The following ZNF184 variants were observed in gnomAD, a reference collection of about 807,000 sequenced individuals.
ZNF184 encodes the protein zinc finger protein 184, also known as zinc finger protein 184 (Kruppel-like).
ZNF184 carries 16 observed loss-of-function variants against 54.4 expected under a neutral mutation model. The ratio of observed to expected loss-of-function variants is 0.29; its 90% CI spans 0.20 to 0.45. ZNF184 has a LOEUF of 0.45. Among genes scored for constraint, ZNF184 ranks in the 20% least tolerant of loss-of-function variants. The pLI is 1.00. For synonymous variants in ZNF184, 254 were observed against 295.3 expected, an observed-to-expected ratio of 0.86 and a Z score of 1.43; for missense variants, 681 against 888.2, an observed-to-expected ratio of 0.77 and a Z score of 2.97.
At chr6:27,448,670 G>T (rs1762665167), downstream of ZNF184, among the ~76,000 whole-genome samples, 1 of 152,058 alleles carries the variant, frequency 6.6e-6, no homozygotes, top group Non-Finnish European at 1.5e-5. Flanking sequence ...TAGTACCTCT[G>T]CCTGGAATGT....
At chr6:27,423,719 T>C in the ZNF184 span, among the ~76,000 whole-genome samples, 1 of 151,416 alleles carries the variant, frequency 6.6e-6, no homozygotes, top group Non-Finnish European at 1.5e-5. Flanking sequence ...ATTTAGATAT[T>C]TATATATCTA....
At chr6:27,419,790 A>C in the ZNF184 span, among the ~76,000 whole-genome samples, 1 of 152,072 alleles carries the variant, frequency 6.6e-6, no homozygotes, top group African/African-American at 2.4e-5. This position sits in a 1 kb window ranked among gnomAD's most constrained non-coding sequence, Gnocchi z 4.8. Context: ...GGCCACTGTT[A>C]TCTCTCACCT....
At chr6:27,407,750 G>A in the ZNF184 span, 1,177 of 769,082 alleles carry the variant, frequency 1.5e-3, 2 homozygotes, top group Middle Eastern at 3.3e-3. Flanking sequence ...AACCAGAGGC[G>A]GAGATGTCAC....
intron 3 of ZNF184, among the ~76,000 whole-genome samples, chr6:27,464,929 A>C (rs1763085949): frequency 6.8e-6 from 1 of 146,034 alleles, no homozygotes; most frequent in Non-Finnish European, 1.5e-5. Flanking sequence ...AGGCAGGATA[A>C]TGGCGTGAAC....
the ZNF184 span, among the ~76,000 whole-genome samples, chr6:27,408,531 C>T: frequency 2.9e-3 from 447 of 152,252 alleles, 7 homozygotes; most frequent in Admixed American, 0.011. Flanking sequence ...AAAGACACAG[C>T]ATAAGAAGAA....
chr6:27,429,794 T>C, the ZNF184 span, among the ~76,000 whole-genome samples: 3 of 152,228 alleles, frequency 2.0e-5, no homozygotes, highest in African/African-American at 7.2e-5. Context: ...TCTATTCTCT[T>C]AGTGTATTTG....
At chr6:27,456,265 G>GAAA (rs5875142) in intron 5 of ZNF184, among the ~76,000 whole-genome samples, 29 of 149,226 alleles carry the variant, frequency 1.9e-4, no homozygotes, top group South Asian at 4.2e-4. Context: ...TTCAAAAAAA[G>GAAA]AAAAAAAAAA....
At chr6:27,442,842 GAAAGAAAGAAA>G in the ZNF184 span, among the ~76,000 whole-genome samples, 1 of 55,332 alleles carries the variant, frequency 1.8e-5, no homozygotes, top group Non-Finnish European at 3.7e-5. Flanking sequence ...AAGAAAGAAA[GAAAGAAAGAAA>G]GAAAGAAAGA....
rs373464061 is a variant in ZNF184, at chr6:27,451,023, C to T, written c.*280G>A. On this transcript the variant is annotated 3_prime_UTR_variant, in exon 6 of 6. Transcript: ENST00000683788. The stretch of plus-strand genomic sequence containing the variant: ...AAGAAAATATTGTAAATATACAAAA[C>T]TGATTATAAAACTCCAAACTACCTT... The T allele has an allele frequency of 3.2e-6, 1 of 313,874 alleles. No homozygotes were observed. 19.4% of individuals were successfully genotyped at this position (313,874 alleles called of 1,614,324 possible). A position where few individuals can be genotyped will look rare whatever the true frequency, so the allele number is the denominator to read the frequency against.
At chr6:27,434,630 A>G in the ZNF184 span, among the ~76,000 whole-genome samples, 1 of 152,152 alleles carries the variant, frequency 6.6e-6, no homozygotes, top group Non-Finnish European at 1.5e-5. Flanking sequence ...CCTTCTTAAT[A>G]GTGTCCTTTG....
chr6:27,407,321 C>A, the ZNF184 span, among the ~76,000 whole-genome samples: 11 of 152,228 alleles, frequency 7.2e-5, no homozygotes, highest in African/African-American at 2.7e-4. Context: ...CCTGTCTCGG[C>A]TGCTTGAGCC....
the ZNF184 span, among the ~76,000 whole-genome samples, chr6:27,424,178 G>C: frequency 1.3e-5 from 2 of 152,176 alleles, no homozygotes; most frequent in African/African-American, 4.8e-5. Flanking sequence ...AAGTGTTAGA[G>C]CTCTTAAGGC....
the ZNF184 span, among the ~76,000 whole-genome samples, chr6:27,414,479 C>T: frequency 3.9e-5 from 6 of 152,072 alleles, no homozygotes; most frequent in Non-Finnish European, 8.8e-5. Flanking sequence ...TTGCTCTATT[C>T]TCTTTCACTT....
chr6:27,448,529 T>C (rs1225839477), downstream of ZNF184, among the ~76,000 whole-genome samples: 1 of 152,174 alleles, frequency 6.6e-6, no homozygotes, highest in Non-Finnish European at 1.5e-5. Flanking sequence ...ATCCTTACCA[T>C]AGCCAAGAAA....
the ZNF184 span, among the ~76,000 whole-genome samples, chr6:27,441,988 G>T: frequency 6.6e-6 from 1 of 152,184 alleles, no homozygotes; most frequent in Non-Finnish European, 1.5e-5. Flanking sequence ...TGAAATTAGT[G>T]CAAGGGAAGT....
At chr6:27,449,761 GA>G (rs148643914), downstream of ZNF184, among the ~76,000 whole-genome samples, 57 of 145,012 alleles carry the variant, frequency 3.9e-4, no homozygotes, top group East Asian at 2.8e-3. Flanking sequence ...TTAAATTAAA[GA>G]AAAAAAAAAG....
the ZNF184 span, among the ~76,000 whole-genome samples, chr6:27,423,410 T>C: frequency 6.6e-6 from 1 of 152,166 alleles, no homozygotes; most frequent in Non-Finnish European, 1.5e-5. Flanking sequence ...TTTATTCACA[T>C]GTATTTTCCA....
chr6:27,417,728 C>T, the ZNF184 span, among the ~76,000 whole-genome samples: 1 of 152,162 alleles, frequency 6.6e-6, no homozygotes, highest in African/African-American at 2.4e-5. Flanking sequence ...TCCAGACAAG[C>T]AGGGCTTTAA....
the ZNF184 span, among the ~76,000 whole-genome samples, chr6:27,425,266 G>A: frequency 5.3e-5 from 8 of 152,350 alleles, no homozygotes; most frequent in East Asian, 7.7e-4. Context: ...AGCCCAGAAA[G>A]GGGCTCCCAC....
Sources: allele counts gnomAD v4.1 joint callset (sites outside exome capture counted in the v4.1 genomes callset), GRCh38; gene constraint gnomAD v4.1.1; non-coding constraint Gnocchi (gnomAD v3.1); transcripts MANE v1.5; gene names NCBI Gene and HGNC (gene_info 2026-07-23, HGNC 2026-07-21).